The following PAMR1 variants were observed in gnomAD, a reference collection of about 807,000 sequenced individuals.
PAMR1 encodes the protein peptidase domain containing associated with muscle regeneration 1.
PAMR1 carries 88 observed loss-of-function variants against 81.8 expected under a neutral mutation model. The ratio of observed to expected loss-of-function variants is 1.08; its 90% CI spans 0.91 to 1.28. The LOEUF is 1.28. PAMR1 is among the 50% of genes most tolerant of loss of function. The pLI, the probability that PAMR1 is intolerant of heterozygous loss-of-function variation, is 0.00. For missense variants in PAMR1, 935 were observed against 919.7 expected, an observed-to-expected ratio of 1.02 and a Z score of -0.21; for synonymous variants, 336 against 345.3, an observed-to-expected ratio of 0.97 and a Z score of 0.30.
At chr11:35,517,326 G>A (rs1565363105) in intron 1 of PAMR1, among the ~76,000 whole-genome samples, 1 of 152,204 alleles carries the variant, frequency 6.6e-6, no homozygotes, top group Non-Finnish European at 1.5e-5. Flanking sequence ...GTTAAGTGAT[G>A]AGGACATCAG....
intron 3 of PAMR1, among the ~76,000 whole-genome samples, chr11:35,485,125 C>T (rs1850474414): frequency 1.3e-5 from 2 of 152,252 alleles, no homozygotes; most frequent in East Asian, 1.9e-4. Context: ...GAACTTAAAA[C>T]ATTTGAGGGT....
chr11:35,480,125 C>T (rs74642723), intron 3 of PAMR1, among the ~76,000 whole-genome samples: 1,529 of 152,300 alleles, frequency 0.01, 12 homozygotes, highest in South Asian at 0.015. Flanking sequence ...TCTGCCTCCG[C>T]CAAGTCAGTG....
At chr11:35,435,281 G>A (rs537317455) in intron 9 of PAMR1, among the ~76,000 whole-genome samples, 4 of 152,260 alleles carry the variant, frequency 2.6e-5, no homozygotes, top group South Asian at 2.1e-4. Context: ...GTAAATGCAG[G>A]CCCCTAATCC....
Position 35,467,996 on chromosome 11 carries a change from C to T in PAMR1, c.820+5G>A, listed in dbSNP as rs1371586546. On this transcript the variant is annotated splice_donor_5th_base_variant and intron_variant, in intron 6 of 10. Transcript: ENST00000619888. ...CCTTAACTCCCACTTAGGAAGCATA[C>T]TCACGATTTTCACAGCGCTGCCCAG... is the stretch of plus-strand genomic sequence containing the variant. The T allele has an allele frequency of 3.3e-6, 5 of 1,538,300 alleles. No homozygotes were observed. In the East Asian group the frequency reaches 7.2e-5, roughly 22 times the overall value.
intron 3 of PAMR1, among the ~76,000 whole-genome samples, chr11:35,491,003 A>G (rs1163532917): frequency 6.6e-6 from 1 of 152,248 alleles, no homozygotes; most frequent in East Asian, 1.9e-4. Flanking sequence ...CCAGGGTTAA[A>G]TCTTGCAGCT....
chr11:35,484,673 T>C (rs1391553653), intron 3 of PAMR1, among the ~76,000 whole-genome samples: 1 of 152,222 alleles, frequency 6.6e-6, no homozygotes, highest in Non-Finnish European at 1.5e-5. Flanking sequence ...ACTAAGAAGA[T>C]AAATGTATTA....
At chr11:35,528,613 C>CTTTT (rs58265525), upstream of PAMR1, among the ~76,000 whole-genome samples, 15 of 151,982 alleles carry the variant, frequency 9.9e-5, no homozygotes, top group African/African-American at 3.1e-4. Context: ...TCTGTTTTTT[C>CTTTT]TTTTTTTTGT....
intron 4 of PAMR1, among the ~76,000 whole-genome samples, chr11:35,474,084 C>A (rs1278432670): frequency 1.3e-5 from 2 of 152,192 alleles, no homozygotes; most frequent in African/African-American, 4.8e-5. Flanking sequence ...TACAATAAAA[C>A]AGGATCTATA....
chr11:35,439,864 T>C (rs1856128589), intron 7 of PAMR1, among the ~76,000 whole-genome samples, 171 bp from the exon 8 acceptor site: 7 of 152,198 alleles, frequency 4.6e-5, no homozygotes, highest in Admixed American at 4.6e-4. Flanking sequence ...ACAAAAGAGC[T>C]TGGTGCATTT....
chr11:35,461,308 G>C (rs1856649453), intron 6 of PAMR1, among the ~76,000 whole-genome samples: 1 of 152,228 alleles, frequency 6.6e-6, no homozygotes, highest in African/African-American at 2.4e-5. Context: ...ACTGATGGGT[G>C]CTCTGTTCCC....
intron 6 of PAMR1, among the ~76,000 whole-genome samples, chr11:35,448,977 G>C (rs544063717): frequency 2.6e-5 from 4 of 152,196 alleles, no homozygotes; most frequent in Non-Finnish European, 5.9e-5. Flanking sequence ...ACCAGTGGAG[G>C]CTGCAGCAAA....
chr11:35,452,294 A>T (rs2050810578), intron 6 of PAMR1, among the ~76,000 whole-genome samples: 2 of 152,280 alleles, frequency 1.3e-5, no homozygotes, highest in East Asian at 1.9e-4. Context: ...AAGATGGCTT[A>T]AAAAAACTCA....
intron 8 of PAMR1, among the ~76,000 whole-genome samples, chr11:35,437,289 G>A (rs565301977): frequency 1.3e-5 from 2 of 152,350 alleles, no homozygotes; most frequent in Admixed American, 1.3e-4. Context: ...AGGAAGTGCA[G>A]AGAGGCAAGT....
intron 6 of PAMR1, among the ~76,000 whole-genome samples, chr11:35,445,835 T>C (rs1258974012): frequency 6.6e-6 from 1 of 152,252 alleles, no homozygotes; most frequent in Non-Finnish European, 1.5e-5. Context: ...ATCAGGATGA[T>C]GCTGGCCTCA....
At chr11:35,464,678 G>C (rs113014473) in intron 6 of PAMR1, among the ~76,000 whole-genome samples, 2 of 151,976 alleles carry the variant, frequency 1.3e-5, no homozygotes, top group Non-Finnish European at 2.9e-5. Flanking sequence ...TTTGCATACC[G>C]CAGAAAAAAA....
At chr11:35,475,535 T>A (rs1464342960) in intron 3 of PAMR1, among the ~76,000 whole-genome samples, 1 of 152,210 alleles carries the variant, frequency 6.6e-6, no homozygotes, top group Non-Finnish European at 1.5e-5. Context: ...TTAAATTAGA[T>A]CATGTTTTCT....
intron 1 of PAMR1, among the ~76,000 whole-genome samples, chr11:35,511,003 A>G (rs930774995): frequency 6.6e-6 from 1 of 152,258 alleles, no homozygotes; most frequent in Admixed American, 6.5e-5. Context: ...CACTTTGGCA[A>G]ATGTAAGACA....
chr11:35,442,294 C>A (rs957161189), intron 6 of PAMR1, among the ~76,000 whole-genome samples: 1 of 152,186 alleles, frequency 6.6e-6, no homozygotes, highest in Admixed American at 6.5e-5. Context: ...CCAAATATAA[C>A]TTTCCATCTA....
At chr11:35,440,420 G>A (rs763009855) in intron 7 of PAMR1, among the ~76,000 whole-genome samples, 1 of 152,164 alleles carries the variant, frequency 6.6e-6, no homozygotes, top group Non-Finnish European at 1.5e-5. Context: ...GATGAAGGTC[G>A]CTTCTGGCTA....
Sources: allele counts gnomAD v4.1 joint callset (sites outside exome capture counted in the v4.1 genomes callset), GRCh38; gene constraint gnomAD v4.1.1; transcripts MANE v1.5; gene names NCBI Gene and HGNC (gene_info 2026-07-23, HGNC 2026-07-21).